Variants in SLC25A21 observed in about 807,000 individuals in gnomAD.
SLC25A21 encodes mitochondrial 2-oxodicarboxylate carrier.
Under a neutral mutation model 43.8 loss-of-function variants are expected in SLC25A21, and 47 were observed. That is an observed-to-expected ratio of 1.07 (90% CI 0.85 to 1.37). SLC25A21 has a LOEUF of 1.37. SLC25A21 is among the 40% of genes most tolerant of loss of function. The probability of loss-of-function intolerance (pLI) is 0.00; values close to 1 mark genes in which losing one functional copy is unlikely to be tolerated. For missense variants in SLC25A21, 352 were observed against 350.2 expected, an observed-to-expected ratio of 1.00 and a Z score of -0.04; for synonymous variants, 131 against 121.3, an observed-to-expected ratio of 1.08 and a Z score of -0.52.
intron 1 of SLC25A21, among the ~76,000 whole-genome samples, chr14:37,066,795 A>G (rs1962070502): frequency 6.6e-6 from 1 of 152,154 alleles, no homozygotes; most frequent in African/African-American, 2.4e-5. Context: ...AATAAAGATA[A>G]AGGCATAAAA....
At chr14:37,142,067 G>T (rs1380047437) in intron 1 of SLC25A21, among the ~76,000 whole-genome samples, 2 of 152,184 alleles carry the variant, frequency 1.3e-5, no homozygotes, top group African/African-American at 4.8e-5. Flanking sequence ...TCACAGTCTT[G>T]TAGGGGAGAT....
At chr14:37,130,161 G>A (rs1180735746) in intron 1 of SLC25A21, among the ~76,000 whole-genome samples, 1 of 151,864 alleles carries the variant, frequency 6.6e-6, no homozygotes, top group East Asian at 1.9e-4. Context: ...TAACTTGAGA[G>A]GCTAAGACAG....
intron 1 of SLC25A21, among the ~76,000 whole-genome samples, chr14:37,140,930 T>C (rs571014969): frequency 6.6e-6 from 1 of 152,212 alleles, no homozygotes; most frequent in African/African-American, 2.4e-5. Context: ...GTAGATCACT[T>C]GAGGTCAGGA....
At chr14:37,088,140 T>A (rs899359798) in intron 1 of SLC25A21, among the ~76,000 whole-genome samples, 1 of 152,244 alleles carries the variant, frequency 6.6e-6, no homozygotes, top group African/African-American at 2.4e-5. Flanking sequence ...TTTAAATGTA[T>A]ATACAGTATA....
chr14:36,776,610 A>T (rs952386767), intron 3 of SLC25A21, among the ~76,000 whole-genome samples: 1 of 151,796 alleles, frequency 6.6e-6, no homozygotes, highest in Non-Finnish European at 1.5e-5. Context: ...TGCCTCCCCA[A>T]CTGTAGGGTT....
chr14:36,949,386 A>G (rs1892751672), intron 1 of SLC25A21, among the ~76,000 whole-genome samples: 1 of 152,222 alleles, frequency 6.6e-6, no homozygotes, highest in South Asian at 2.1e-4. Flanking sequence ...TTTTTAATTC[A>G]CATTATTAAG....
rs1461334497 is a variant in SLC25A21, at chr14:36,746,365, G to C, written c.204-11792C>G. ...TAGAAACAGAAAGTCAAAAAACTTC[G>C]TGTTCTCCTTTATAAGTGGAAGCTA... On this transcript the variant is annotated intron_variant, in intron 3 of 9. Coordinates refer to ENST00000331299, the MANE Select transcript of SLC25A21 (RefSeq NM_030631.4). Among the ~76,000 whole-genome samples, 13 of 112,834 alleles carry C rather than the reference G, an allele frequency of 1.2e-4. No homozygotes were observed. The South Asian group carries it at 3.5e-3, about 31-fold the overall frequency. 74.0% of individuals were successfully genotyped at this position (112,834 alleles called of 152,430 possible). A position where few individuals can be genotyped will look rare whatever the true frequency, so the allele number is the denominator to read the frequency against.
chr14:36,958,562 A>C (rs17177940), intron 1 of SLC25A21, among the ~76,000 whole-genome samples: 1 of 152,160 alleles, frequency 6.6e-6, no homozygotes, highest in East Asian at 1.9e-4. Flanking sequence ...TTCCTTGTGG[A>C]AACTAGCCTT....
At chr14:36,704,696 C>CA (rs995027137) in intron 7 of SLC25A21, among the ~76,000 whole-genome samples, 24 of 148,948 alleles carry the variant, frequency 1.6e-4, no homozygotes, top group African/African-American at 2.7e-4. Context: ...CAAAAACAAA[C>CA]AAAAAAAACA....
At chr14:36,750,338 C>A (rs1017492298) in intron 3 of SLC25A21, among the ~76,000 whole-genome samples, 6 of 152,140 alleles carry the variant, frequency 3.9e-5, no homozygotes, top group African/African-American at 1.4e-4. Flanking sequence ...TTCTTATCCC[C>A]CATCAACTAC....
At chr14:36,959,329 T>G (rs568131940) in intron 1 of SLC25A21, among the ~76,000 whole-genome samples, 12 of 152,296 alleles carry the variant, frequency 7.9e-5, no homozygotes, top group African/African-American at 2.9e-4. Context: ...CTCACTCAAA[T>G]CAGGACAGGC....
chr14:36,709,472 A>G lies in SLC25A21; in HGVS notation c.603+1846T>C, dbSNP rs2144316. Among the ~76,000 whole-genome samples the G allele has an allele frequency of 5.5e-3, 845 of 152,312 alleles. 7 individuals are homozygous for G. Among genetic ancestry groups the G allele is most frequent in the South Asian group, 0.051 (245 of 4,826 alleles). On this transcript the variant is annotated intron_variant, in intron 7 of 9. Transcript: ENST00000331299. ...ACAGTGTTTATTGCACTCATTTTCTATATCTTGACAAGAGAAGAGCTCTGA... is the reference window on the plus strand; with the variant it reads ...ACAGTGTTTATTGCACTCATTTTCTGTATCTTGACAAGAGAAGAGCTCTGA...
chr14:37,062,421 C>T (rs375492849), intron 1 of SLC25A21, among the ~76,000 whole-genome samples: 1 of 152,094 alleles, frequency 6.6e-6, no homozygotes, highest in African/African-American at 2.4e-5. Context: ...TCTCTAAATG[C>T]AAACCACGTA....
chr14:37,043,683 C>T (rs1258259376), intron 1 of SLC25A21, among the ~76,000 whole-genome samples: 1 of 152,098 alleles, frequency 6.6e-6, no homozygotes, highest in African/African-American at 2.4e-5. Context: ...ACAAAGACTG[C>T]AGCACTCATC....
chr14:36,839,796 C>T (rs1889326036), intron 2 of SLC25A21, among the ~76,000 whole-genome samples: 1 of 152,196 alleles, frequency 6.6e-6, no homozygotes, highest in African/African-American at 2.4e-5. Flanking sequence ...AGGGAATAGC[C>T]TATGGCTCCT....
chr14:36,713,038 G>T (rs922366983), intron 6 of SLC25A21, among the ~76,000 whole-genome samples: 5 of 152,090 alleles, frequency 3.3e-5, no homozygotes, highest in Admixed American at 1.3e-4. Context: ...CTTTCCTGGG[G>T]GTGGGAGGAA....
intron 7 of SLC25A21, among the ~76,000 whole-genome samples, chr14:36,694,494 C>T (rs1212549570): frequency 6.6e-6 from 1 of 152,162 alleles, no homozygotes; most frequent in Non-Finnish European, 1.5e-5. Flanking sequence ...CCACTGTCTT[C>T]CACAATGGTT....
chr14:36,866,207 G>C (rs1210214235), intron 2 of SLC25A21, among the ~76,000 whole-genome samples: 1 of 152,062 alleles, frequency 6.6e-6, no homozygotes, highest in Non-Finnish European at 1.5e-5. Context: ...TCAAACTCCT[G>C]GCCTCAAGCA....
In SLC25A21 at chr14:36,679,553, A is replaced by ATTT. The variant is rs1432787811; in HGVS notation, c.*1102_*1104dup. 1.0e-6 allele frequency: 1 copy of ATTT among 985,242 alleles called. No individual in the cohort carries two copies. The highest frequency in any genetic ancestry group is 1.2e-6 in the Non-Finnish European group (1 of 829,886). The allele number at this position is 985,242 out of a possible 1,614,324, so 61.0% of individuals were successfully genotyped here. A position where few individuals can be genotyped will look rare whatever the true frequency, so the allele number is the denominator to read the frequency against. On this transcript the variant is annotated 3_prime_UTR_variant, in exon 10 of 10. Transcript: ENST00000331299. ...TTGGTTACATCAAGACCAAGGAGAT[A>ATTT]TTTTTGTTGATACATGTTAGTATAG...
Sources: gnomAD v4.1 joint callset for allele counts (sites outside exome capture counted in the v4.1 genomes callset) on GRCh38, gnomAD v4.1.1 for gene constraint, MANE v1.5 for transcripts, NCBI Gene and HGNC (gene_info 2026-07-23, HGNC 2026-07-21) for gene names.